OR9Q1: variants seen among roughly 807,000 people sequenced by gnomAD.
OR9Q1 encodes the protein olfactory receptor family 9 subfamily Q member 1.
For missense variants in OR9Q1, 374 were observed against 378.8 expected (o/e 0.99, Z 0.11); for synonymous variants, 153 against 148.6 (o/e 1.03, Z -0.22).
chr11:58,034,640 C>G (rs552379093), intron 1 of OR9Q1, among the ~76,000 whole-genome samples: 1 of 152,144 alleles, frequency 6.6e-6, no homozygotes, highest in South Asian at 2.1e-4. Flanking sequence ...CTAGAGCCTT[C>G]TTGTTATTTA....
chr11:58,064,607 G>C (rs980977597), intron 2 of OR9Q1, among the ~76,000 whole-genome samples: 18 of 152,136 alleles, frequency 1.2e-4, no homozygotes, highest in Non-Finnish European at 2.2e-4. Context: ...GTGCTCCCCA[G>C]AGCCTGGATC....
At chr11:58,072,253 A>AT (rs1243972998) in intron 2 of OR9Q1, 2 of 152,164 alleles carry the variant, frequency 1.3e-5, no homozygotes, top group South Asian at 4.1e-4. Flanking sequence ...CGTAGTGTTT[A>AT]TTTTTTTCAT....
intron 2 of OR9Q1, among the ~76,000 whole-genome samples, chr11:58,146,705 G>A (rs1438593637): frequency 6.6e-6 from 1 of 152,180 alleles, no homozygotes; most frequent in African/African-American, 2.4e-5. Flanking sequence ...AGGCTTCTGA[G>A]AGAAATTAAC....
In OR9Q1 at chr11:58,087,722, C is replaced by G. The variant is rs142560868; in HGVS notation, c.-15+31775C>G. 8.4e-3 allele frequency among the ~76,000 whole-genome samples: 1,274 copies of G among 151,776 alleles called. 43 individuals carry two copies. Among genetic ancestry groups the G allele is most frequent in the African/African-American group, 0.029 (1,195 of 41,102 alleles). ...TAATGCTCTCCCTCCCCTTGCCCCC[C>G]ACCCCCTGACAGGCCCCGGTGTGTG... On this transcript the variant is annotated intron_variant, in intron 2 of 2. Transcript: ENST00000335397.
chr11:58,165,426 C>T (rs1256090887), intron 2 of OR9Q1, among the ~76,000 whole-genome samples: 1 of 152,242 alleles, frequency 6.6e-6, no homozygotes, highest in Non-Finnish European at 1.5e-5. Context: ...GTCTCTCCCA[C>T]ATTCAGAGCC....
At chr11:58,119,773 C>T (rs1267169013) in intron 2 of OR9Q1, among the ~76,000 whole-genome samples, 2 of 152,132 alleles carry the variant, frequency 1.3e-5, no homozygotes, top group Non-Finnish European at 2.9e-5. Flanking sequence ...GCTGGAGTCT[C>T]ACTTACCATA....
intron 2 of OR9Q1, among the ~76,000 whole-genome samples, chr11:58,153,501 A>G (rs2119900988): frequency 6.6e-6 from 1 of 152,230 alleles, no homozygotes; most frequent in South Asian, 2.1e-4. Flanking sequence ...GTCATGCTCT[A>G]TAGGAGCAAT....
intron 2 of OR9Q1, among the ~76,000 whole-genome samples, chr11:58,172,230 T>G (rs2119950836): frequency 6.6e-6 from 1 of 152,344 alleles, no homozygotes; most frequent in Middle Eastern, 3.4e-3. Context: ...GCATATTCCC[T>G]GGCACTCAGT....
chr11:58,066,111 C>T (rs992589992), intron 2 of OR9Q1, among the ~76,000 whole-genome samples: 2 of 151,910 alleles, frequency 1.3e-5, no homozygotes, highest in Admixed American at 1.3e-4. Flanking sequence ...TCCCTCCCTC[C>T]CTCCTTCTCT....
chr11:58,073,030 C>A (rs1182278305), intron 2 of OR9Q1: 4 of 210,620 alleles, frequency 1.9e-5, no homozygotes, highest in Non-Finnish European at 4.2e-5. Flanking sequence ...TTCTTACCTG[C>A]CTTTCCTGAG....
intron 2 of OR9Q1, among the ~76,000 whole-genome samples, chr11:58,058,749 C>T (rs186155867): frequency 6.6e-5 from 10 of 152,348 alleles, no homozygotes; most frequent in East Asian, 1.9e-4. Context: ...CAGCCACCCT[C>T]GCCCCCGATC....
At chr11:58,142,457 T>A (rs1383504156) in intron 2 of OR9Q1, among the ~76,000 whole-genome samples, 1 of 152,168 alleles carries the variant, frequency 6.6e-6, no homozygotes, top group Non-Finnish European at 1.5e-5. Flanking sequence ...AGGGTAAGAT[T>A]TGGCCTTAAG....
intron 1 of OR9Q1, among the ~76,000 whole-genome samples, chr11:58,048,368 TA>T (rs1191082355): frequency 1.3e-5 from 2 of 152,198 alleles, no homozygotes; most frequent in East Asian, 3.9e-4. Context: ...TATGAATGAT[TA>T]TTTCAATATA....
chr11:58,031,238 A>G (rs771988485), intron 1 of OR9Q1: 1 of 1,614,140 alleles, frequency 6.2e-7, no homozygotes, highest in African/African-American at 1.3e-5. Context: ...TGGCAAGAAT[A>G]TCTCTTATGC....
At chr11:58,081,958 G>C (rs904833561) in intron 2 of OR9Q1, among the ~76,000 whole-genome samples, 1 of 152,002 alleles carries the variant, frequency 6.6e-6, no homozygotes, top group Admixed American at 6.6e-5. Flanking sequence ...GAAACATTTT[G>C]TATTGTTAAG....
intron 2 of OR9Q1, among the ~76,000 whole-genome samples, chr11:58,086,350 T>C (rs1853633913): frequency 6.6e-6 from 1 of 151,832 alleles, no homozygotes. Context: ...ATTAAAAAGA[T>C]AAAAGATGAG....
chr11:58,036,870 G>T (rs1311324492), intron 1 of OR9Q1, among the ~76,000 whole-genome samples: 2 of 152,204 alleles, frequency 1.3e-5, no homozygotes, highest in Non-Finnish European at 2.9e-5. Flanking sequence ...TGGTGAAGAT[G>T]CTGTGAACAT....
chr11:58,038,026 C>T (rs987504334), intron 1 of OR9Q1, among the ~76,000 whole-genome samples: 18 of 68 alleles, frequency 0.26, no homozygotes, highest in African/African-American at 0.44. Context: ...CTACCGCGCC[C>T]GGCCAGAATA....
chr11:58,106,019 T>C (rs986937730), intron 2 of OR9Q1, among the ~76,000 whole-genome samples: 1 of 152,120 alleles, frequency 6.6e-6, no homozygotes, highest in African/African-American at 2.4e-5. Flanking sequence ...AATTCTATTT[T>C]TAATTTTTTG....
Sources: allele counts gnomAD v4.1 joint callset (sites outside exome capture counted in the v4.1 genomes callset), GRCh38; gene constraint gnomAD v4.1.1; transcripts MANE v1.5; gene names NCBI Gene and HGNC (gene_info 2026-07-23, HGNC 2026-07-21).